The following TOX variants were observed in gnomAD, a reference collection of about 807,000 sequenced individuals.
TOX encodes the protein thymocyte selection associated high mobility group box, also known as thymocyte selection-associated high mobility group box protein TOX.
TOX carries 11 observed loss-of-function variants against 53.7 expected under a neutral mutation model. The ratio of observed to expected loss-of-function variants is 0.20; its 90% CI spans 0.13 to 0.34. TOX has a LOEUF of 0.34. Among genes scored for constraint, TOX ranks in the 10% least tolerant of loss-of-function variants. The pLI, the probability that TOX is intolerant of heterozygous loss-of-function variation, is 1.00. For missense variants in TOX, 570 were observed against 664.6 expected, an observed-to-expected ratio of 0.86 and a Z score of 1.56; for synonymous variants, 225 against 245.3, an observed-to-expected ratio of 0.92 and a Z score of 0.77.
intron 1 of TOX, among the ~76,000 whole-genome samples, chr8:59,099,497 C>A (rs918038063): frequency 3.9e-4 from 59 of 152,124 alleles, no homozygotes; most frequent in Non-Finnish European, 6.8e-4. Context: ...TATACTGATA[C>A]ATTTAAGCAC....
chr8:59,082,486 T>C (rs7843195), intron 1 of TOX, among the ~76,000 whole-genome samples: 48,382 of 152,210 alleles, frequency 0.32, 12,898 homozygotes, highest in African/African-American at 0.73. Context: ...TATTTATGGA[T>C]ATGAATTTTA....
At chr8:58,859,150 T>G (rs1014096826) in intron 3 of TOX, among the ~76,000 whole-genome samples, 1 of 152,204 alleles carries the variant, frequency 6.6e-6, no homozygotes, top group Admixed American at 6.5e-5. Context: ...TAGAAATGTG[T>G]ACTTTAAATA....
At chr8:58,812,999 G>A (rs1248250719) in intron 7 of TOX, among the ~76,000 whole-genome samples, 2 of 152,172 alleles carry the variant, frequency 1.3e-5, no homozygotes, top group Non-Finnish European at 2.9e-5. Flanking sequence ...TCTTTGGAGC[G>A]ATTTAATCTC....
intron 2 of TOX, among the ~76,000 whole-genome samples, chr8:58,941,325 A>AT (rs1403656049): frequency 7.2e-5 from 11 of 152,200 alleles, no homozygotes; most frequent in African/African-American, 2.7e-4. Context: ...TGTTGCCTCC[A>AT]TTTAACCATT....
intron 1 of TOX, among the ~76,000 whole-genome samples, chr8:59,092,938 C>A (rs1420382205): frequency 6.6e-6 from 1 of 152,126 alleles, no homozygotes; most frequent in Non-Finnish European, 1.5e-5. Context: ...CTATTGTTTT[C>A]TTTAGAAGCA....
intron 1 of TOX, among the ~76,000 whole-genome samples, chr8:59,007,393 T>C (rs1009114351): frequency 6.6e-6 from 1 of 152,202 alleles, no homozygotes; most frequent in Admixed American, 6.5e-5. Flanking sequence ...TTGTGGACTT[T>C]GAAGTGTCCA....
intron 1 of TOX, among the ~76,000 whole-genome samples, chr8:59,074,509 C>A (rs73684880): frequency 0.015 from 2,223 of 152,132 alleles, 76 homozygotes; most frequent in African/African-American, 0.05. Context: ...TATCTGGCCC[C>A]CGACGGATGA....
chr8:58,967,307 C>T (rs763521382), intron 1 of TOX, among the ~76,000 whole-genome samples: 1 of 152,056 alleles, frequency 6.6e-6, no homozygotes, highest in African/African-American at 2.4e-5. Flanking sequence ...ATATATGAAG[C>T]CATTTAATTT....
At chr8:58,899,866 GAA>G (rs1328276716) in intron 3 of TOX, among the ~76,000 whole-genome samples, 1 of 152,134 alleles carries the variant, frequency 6.6e-6, no homozygotes, top group African/African-American at 2.4e-5. Context: ...CTATCAGCTG[GAA>G]AATTCACACT....
intron 3 of TOX, among the ~76,000 whole-genome samples, chr8:58,871,488 T>A (rs1194348521): frequency 6.6e-6 from 1 of 152,146 alleles, no homozygotes; most frequent in Admixed American, 6.6e-5. Context: ...TGCAAACATA[T>A]GAAACAACCT....
intron 3 of TOX, among the ~76,000 whole-genome samples, chr8:58,937,960 TA>T (rs897244901): frequency 6.6e-5 from 10 of 151,998 alleles, no homozygotes; most frequent in African/African-American, 2.2e-4. Flanking sequence ...TTTAGCACGT[TA>T]AAAAAAATCC....
At chr8:58,816,101 C>G (rs1249166212) in intron 6 of TOX, among the ~76,000 whole-genome samples, 1 of 152,206 alleles carries the variant, frequency 6.6e-6, no homozygotes, top group Non-Finnish European at 1.5e-5. Flanking sequence ...CAAAGCAAAT[C>G]AGTTCTGGAG....
intron 3 of TOX, among the ~76,000 whole-genome samples, chr8:58,920,721 TAAA>T (rs5891703): frequency 2.5e-5 from 2 of 81,070 alleles, no homozygotes; most frequent in African/African-American, 1.0e-4. Context: ...AAAAAAACAT[TAAA>T]AAAAAAAAAA....
At chr8:58,973,390 A>T (rs1813035007) in intron 1 of TOX, among the ~76,000 whole-genome samples, 1 of 152,252 alleles carries the variant, frequency 6.6e-6, no homozygotes, top group African/African-American at 2.4e-5. Flanking sequence ...CAGTACTTTT[A>T]AAAAACAGTG....
At chr8:58,841,567 A>G (rs1390228411) in intron 4 of TOX, among the ~76,000 whole-genome samples, 1 of 152,234 alleles carries the variant, frequency 6.6e-6, no homozygotes, top group Non-Finnish European at 1.5e-5. Context: ...TATAAGATGA[A>G]TAAGTTCTGG....
At chr8:58,936,832 T>G (rs1351029860) in intron 3 of TOX, among the ~76,000 whole-genome samples, 1 of 152,148 alleles carries the variant, frequency 6.6e-6, no homozygotes, top group African/African-American at 2.4e-5. Context: ...TCAACATCAT[T>G]AACGAGACCT....
chr8:59,061,581 C>T (rs1348160494), intron 1 of TOX, among the ~76,000 whole-genome samples: 1 of 152,062 alleles, frequency 6.6e-6, no homozygotes, highest in African/African-American at 2.4e-5. Context: ...ACCCCATAGT[C>T]ACTACTAGCA....
chr8:59,053,764 A>AT (rs1803836088), intron 1 of TOX, among the ~76,000 whole-genome samples: 1 of 152,202 alleles, frequency 6.6e-6, no homozygotes, highest in Non-Finnish European at 1.5e-5. Context: ...CAAATGTCGA[A>AT]TCTATTTCCA....
chr8:59,039,751 G>A (rs1247121860), intron 1 of TOX, among the ~76,000 whole-genome samples: 1 of 152,106 alleles, frequency 6.6e-6, no homozygotes, highest in Non-Finnish European at 1.5e-5. Flanking sequence ...ATTGAAAGAG[G>A]CTTGTTTTTA....
Sources: gnomAD v4.1 joint callset for allele counts (sites outside exome capture counted in the v4.1 genomes callset) on GRCh38, gnomAD v4.1.1 for gene constraint, MANE v1.5 for transcripts, NCBI Gene and HGNC (gene_info 2026-07-23, HGNC 2026-07-21) for gene names.